The following DNMT3A variants were observed in gnomAD, a reference collection of about 807,000 sequenced individuals.
DNMT3A encodes DNA methyltransferase 3 alpha.
DNMT3A carries 267 observed loss-of-function variants against 117.6 expected under a neutral mutation model. That is an observed-to-expected ratio of 2.27 (90% confidence interval 2.05 to 2.51). DNMT3A has a LOEUF of 2.51. DNMT3A is among the 30% of genes most tolerant of loss of function. The probability of loss-of-function intolerance (pLI) is 0.00; values close to 1 mark genes in which losing one functional copy is unlikely to be tolerated. For missense variants in DNMT3A, 1,029 were observed against 1,260.2 expected, an observed-to-expected ratio of 0.82 and a Z score of 2.78; for synonymous variants, 432 against 474.8, an observed-to-expected ratio of 0.91 and a Z score of 1.17.
Position 25,252,769 on chromosome 2 carries a change from C to CA in DNMT3A, c.640-4518dup, listed in dbSNP as rs376346437. Reference sequence around the variant, plus strand: ...AAAGTGAGTTTCTCTGAAGCACAACCAAAAAAAAAAAAAGAAAAAGCTTAC... The same window carrying CA: ...AAAGTGAGTTTCTCTGAAGCACAACCAAAAAAAAAAAAAAGAAAAAGCTTAC... On this transcript the variant is annotated intron_variant, in intron 6 of 22. Transcript: ENST00000321117. This position sits in a 1 kb window ranked among gnomAD's most constrained non-coding sequence, Gnocchi z 5.5. Among the ~76,000 whole-genome samples, 289 of 124,624 alleles carry CA rather than the reference C, an allele frequency of 2.3e-3. No homozygotes were observed. The highest frequency in any genetic ancestry group is 4.9e-3 in the African/African-American group (163 of 33,514). 81.8% of individuals were successfully genotyped at this position (124,624 alleles called of 152,430 possible).
intron 6 of DNMT3A, among the ~76,000 whole-genome samples, chr2:25,262,876 A>C (rs776007777): frequency 2.0e-5 from 3 of 152,124 alleles, no homozygotes; most frequent in Non-Finnish European, 4.4e-5. Flanking sequence ...CTCCCTAAAC[A>C]ACCCAGAAGT....
At position 25,237,622 on chromosome 2, in the gene DNMT3A, A is replaced by G. The variant is rs1370471448; in HGVS notation, c.2409-617T>C. On this transcript the variant is annotated intron_variant, in intron 20 of 22. Coordinates refer to ENST00000321117, the MANE Select transcript of DNMT3A (RefSeq NM_022552.5). The surrounding 1 kb of genome is among the most constrained non-coding windows in gnomAD (Gnocchi z 5.4). ...GTCTCTACTAATATAAAAATTAGCCAGACGTGGTGGCAGGTGCCTGTAATC... is the reference window on the plus strand; with the variant it reads ...GTCTCTACTAATATAAAAATTAGCCGGACGTGGTGGCAGGTGCCTGTAATC... Among the ~76,000 whole-genome samples the G allele has an allele frequency of 6.6e-6, 1 of 152,116 alleles. No homozygotes were observed. Among genetic ancestry groups the G allele is most frequent in the Non-Finnish European group, 1.5e-5 (1 of 68,020 alleles).
chr2:25,265,464 T>C (rs2030239056), intron 6 of DNMT3A, among the ~76,000 whole-genome samples: 1 of 152,208 alleles, frequency 6.6e-6, no homozygotes, highest in South Asian at 2.1e-4. Flanking sequence ...AGGATACCCA[T>C]GTGGCCGCAA....
intron 13 of DNMT3A, 32 bp from the exon 14 acceptor site, chr2:25,244,684 C>A (rs750219437): frequency 4.4e-6 from 7 of 1,596,718 alleles, no homozygotes; most frequent in Non-Finnish European, 6.0e-6. Context: ...CAGAAACCAC[C>A]AGGACGGGTC....
Position 25,252,231 on chromosome 2 carries a change from AGGTGT to A in DNMT3A, c.640-3984_640-3980del. The A allele has an allele frequency of 7.0e-7, 1 of 1,429,358 alleles. No individual in the cohort carries two copies. The highest frequency in any genetic ancestry group is 9.3e-7 in the Non-Finnish European group (1 of 1,076,554). The allele number at this position is 1,429,358 out of a possible 1,614,324, so 88.5% of individuals were successfully genotyped here. A position where few individuals can be genotyped will look rare whatever the true frequency, so the allele number is the denominator to read the frequency against. ...GTGCAGCCCCTCTGCAGTCGCGCTC[AGGTGT>A]GAGCCGCGGCCCTGAAGCTCTGGAA... is the stretch of plus-strand genomic sequence containing the variant. On this transcript the variant is annotated intron_variant, in intron 6 of 22. Coordinates refer to ENST00000321117, the MANE Select transcript of DNMT3A (RefSeq NM_022552.5). This position sits in a 1 kb window ranked among gnomAD's most constrained non-coding sequence, Gnocchi z 5.5.
intron 6 of DNMT3A, among the ~76,000 whole-genome samples, chr2:25,260,475 T>G (rs2149342563): frequency 6.6e-6 from 1 of 152,308 alleles, no homozygotes; most frequent in South Asian, 2.1e-4. Flanking sequence ...AATTTTTGTT[T>G]TTTTTTGCCC....
chr2:25,340,157 G>A (rs2035360548), intron 1 of DNMT3A, among the ~76,000 whole-genome samples: 1 of 152,158 alleles, frequency 6.6e-6, no homozygotes, highest in South Asian at 2.1e-4. Context: ...GCCTGCCGCA[G>A]GCCAGAGCTG....
chr2:25,300,485 T>C (rs2033367022), intron 2 of DNMT3A, among the ~76,000 whole-genome samples: 1 of 149,496 alleles, frequency 6.7e-6, no homozygotes, highest in Non-Finnish European at 1.5e-5. Context: ...CTCATGCCTG[T>C]AATCCCAGCA....
At chr2:25,309,938 C>T (rs1378347760) in intron 2 of DNMT3A, among the ~76,000 whole-genome samples, 1 of 152,038 alleles carries the variant, frequency 6.6e-6, no homozygotes, top group Non-Finnish European at 1.5e-5. Context: ...CGCCTGTAGT[C>T]CCAGCTACTC....
At position 25,282,094 on chromosome 2, in the gene DNMT3A, C is replaced by A. The variant is rs557994332; in HGVS notation, c.448+347G>T. The A allele has an allele frequency of 8.9e-7, 1 of 1,122,930 alleles. No individual in the cohort carries two copies. The highest frequency in any genetic ancestry group is 1.1e-6 in the Non-Finnish European group (1 of 884,312). 69.6% of individuals were successfully genotyped at this position (1,122,930 alleles called of 1,614,324 possible). On this transcript the variant is annotated intron_variant, in intron 4 of 22. Coordinates refer to ENST00000321117, the MANE Select transcript of DNMT3A (RefSeq NM_022552.5). This position sits in a 1 kb window ranked among gnomAD's most constrained non-coding sequence, Gnocchi z 5.2. ...CAGCCACAGAAGGCGATGGAGGGAC[C>A]GCCATTATCCCAGTCTAGCAATCGT...
chr2:25,314,140 G>A lies in DNMT3A; in HGVS notation c.-156C>T. 2 of 1,427,172 alleles carry A rather than the reference G, an allele frequency of 1.4e-6. No individual in the cohort carries two copies. Among genetic ancestry groups the A allele is most frequent in the Non-Finnish European group, 1.8e-6 (2 of 1,094,092 alleles). The allele number at this position is 1,427,172 out of a possible 1,614,324, so 88.4% of individuals were successfully genotyped here. The stretch of plus-strand genomic sequence containing the variant: ...GAACGGTGCCTCTGTCAGCCTGTGG[G>A]TGGGGGCTTCGATGGCTCCACCTGT... On this transcript the variant is annotated 5_prime_UTR_variant, in exon 2 of 23. Coordinates refer to ENST00000321117, the MANE Select transcript of DNMT3A (RefSeq NM_022552.5).
At position 25,281,599 on chromosome 2, in the gene DNMT3A, A is replaced by G; in HGVS notation, c.448+842T>C. ...AAGACTTTTTGAAATTAAAATGCACATATGCAAAACAACCTGGCAGGGCCC... is the reference window on the plus strand; with the variant it reads ...AAGACTTTTTGAAATTAAAATGCACGTATGCAAAACAACCTGGCAGGGCCC... On this transcript the variant is annotated intron_variant, in intron 4 of 22. Coordinates refer to ENST00000321117, the MANE Select transcript of DNMT3A (RefSeq NM_022552.5). This position sits in a 1 kb window ranked among gnomAD's most constrained non-coding sequence, Gnocchi z 4.8. The G allele has an allele frequency of 3.8e-6, 4 of 1,064,368 alleles. No homozygotes were observed. Among genetic ancestry groups the G allele is most frequent in the Non-Finnish European group, 4.6e-6 (4 of 878,582 alleles). The allele number at this position is 1,064,368 out of a possible 1,614,324, so 65.9% of individuals were successfully genotyped here. A position where few individuals can be genotyped will look rare whatever the true frequency, so the allele number is the denominator to read the frequency against.
At position 25,329,534 on chromosome 2, in the gene DNMT3A, G is replaced by A. The variant is rs954268362; in HGVS notation, c.-178+12292C>T. ...CTTGTGCTCACTCCTAGGAACGGCT[G>A]CTGTGCCAGGCTCCCCCTCCCAGCT... On this transcript the variant is annotated intron_variant, in intron 1 of 22. Transcript: ENST00000321117. Among the ~76,000 whole-genome samples, 11 of 152,024 alleles carry A rather than the reference G, an allele frequency of 7.2e-5. 1 individual carries two copies. In the East Asian group the frequency reaches 2.1e-3, roughly 29 times the overall value.
Position 25,246,601 on chromosome 2 carries a change from G to A in DNMT3A, c.1279+19C>T. 6.3e-7 allele frequency: 1 copy of A among 1,599,964 alleles called. No homozygotes were observed. The highest frequency in any genetic ancestry group is 8.5e-7 in the Non-Finnish European group (1 of 1,171,480). On this transcript the variant is annotated intron_variant, in intron 10 of 22. Transcript: ENST00000321117. Reference sequence around the variant, plus strand: ...GCCTGGCGGGCAGGGGTCCCAGAAAGCTGGGTGCCCTCATTTACCTTCTGG... The same window carrying A: ...GCCTGGCGGGCAGGGGTCCCAGAAAACTGGGTGCCCTCATTTACCTTCTGG...
In DNMT3A at chr2:25,281,841, A is replaced by G; in HGVS notation, c.448+600T>C. On this transcript the variant is annotated intron_variant, in intron 4 of 22. Transcript: ENST00000321117. This position sits in a 1 kb window ranked among gnomAD's most constrained non-coding sequence, Gnocchi z 4.8. ...AGGCCTGGGCTGGGCAGTACACAGA[A>G]TACAATCACCCAGCCCTCTCCCCAC... 5.6e-6 allele frequency: 6 copies of G among 1,068,186 alleles called. No individual in the cohort carries two copies. Among genetic ancestry groups the G allele is most frequent in the Non-Finnish European group, 6.8e-6 (6 of 881,060 alleles). 66.2% of individuals were successfully genotyped at this position (1,068,186 alleles called of 1,614,324 possible). A position where few individuals can be genotyped will look rare whatever the true frequency, so the allele number is the denominator to read the frequency against.
rs182401710 is a variant in DNMT3A, at chr2:25,278,876, T to G, written c.449-3333A>C. 3.3e-5 allele frequency among the ~76,000 whole-genome samples: 5 copies of G among 152,022 alleles called. No homozygotes were observed. In the East Asian group the frequency reaches 9.6e-4, roughly 29 times the overall value. ...TCCCGTGATCACACATGGGGCATAATACACAGCAGAGCTTCTGAAACTTTC... is the reference window on the plus strand; with the variant it reads ...TCCCGTGATCACACATGGGGCATAAGACACAGCAGAGCTTCTGAAACTTTC... On this transcript the variant is annotated intron_variant, in intron 4 of 22. Coordinates refer to ENST00000321117, the MANE Select transcript of DNMT3A (RefSeq NM_022552.5).
intron 3 of DNMT3A, among the ~76,000 whole-genome samples, chr2:25,284,033 A>G (rs74397072): frequency 0.015 from 2,267 of 152,330 alleles, 61 homozygotes; most frequent in African/African-American, 0.05. Context: ...CAAGTGGGCC[A>G]GGACACCTCA....
At chr2:25,264,232 C>T (rs1038147566) in intron 6 of DNMT3A, among the ~76,000 whole-genome samples, 1 of 148,376 alleles carries the variant, frequency 6.7e-6, no homozygotes, top group Non-Finnish European at 1.5e-5. Context: ...CTCCACCACC[C>T]TGGCTCAAAC....
rs1433623273 is a variant in DNMT3A at position 25,298,629 on chromosome 2, C to T, written c.177+1510G>A. Among the ~76,000 whole-genome samples the T allele has an allele frequency of 6.6e-6, 1 of 152,174 alleles. No homozygotes were observed. Among genetic ancestry groups the T allele is most frequent in the Non-Finnish European group, 1.5e-5 (1 of 68,042 alleles). The stretch of plus-strand genomic sequence containing the variant: ...GCCTGGCTCTCCTCCCACACCTTCT[C>T]CATTAAGGTGCCCTGTGGGCAGAGG... On this transcript the variant is annotated intron_variant, in intron 3 of 22. Coordinates refer to ENST00000321117, the MANE Select transcript of DNMT3A (RefSeq NM_022552.5). This position sits in a 1 kb window ranked among gnomAD's most constrained non-coding sequence, Gnocchi z 4.3.
Sources: allele counts gnomAD v4.1 joint callset (sites outside exome capture counted in the v4.1 genomes callset), GRCh38; gene constraint gnomAD v4.1.1; non-coding constraint Gnocchi (gnomAD v3.1); transcripts MANE v1.5; gene names NCBI Gene and HGNC (gene_info 2026-07-23, HGNC 2026-07-21).